Variants in MDGA2 observed in about 807,000 individuals in gnomAD.
The protein encoded by MDGA2 is MAM domain-containing glycosylphosphatidylinositol anchor protein 2.
MDGA2 carries 40 observed loss-of-function variants against 117.8 expected under a neutral mutation model. The ratio of observed to expected loss-of-function variants is 0.34; its 90% CI spans 0.26 to 0.44. The LOEUF (loss-of-function observed/expected upper bound fraction) is 0.44. Among genes scored for constraint, MDGA2 ranks in the 20% least tolerant of loss-of-function variants. MDGA2 has a pLI of 1.00. For synonymous variants in MDGA2, 452 were observed against 439.0 expected, an observed-to-expected ratio of 1.03 and a Z score of -0.37; for missense variants, 1,123 against 1,250.6, an observed-to-expected ratio of 0.90 and a Z score of 1.54.
At chr14:47,065,892 A>T in intron 6 of MDGA2, among the ~76,000 whole-genome samples, 1 of 152,192 alleles carries the variant, frequency 6.6e-6, no homozygotes, top group East Asian at 1.9e-4. Context: ...AGGTTGTAGG[A>T]TTCTGGACAA....
intron 1 of MDGA2, among the ~76,000 whole-genome samples, chr14:47,302,609 T>G (rs1043988665): frequency 6.6e-6 from 1 of 152,096 alleles, no homozygotes; most frequent in African/African-American, 2.4e-5. Flanking sequence ...ATTAGGAATG[T>G]TTTATCTAAC....
intron 1 of MDGA2, among the ~76,000 whole-genome samples, chr14:47,327,782 G>A (rs935509293): frequency 6.6e-6 from 1 of 152,032 alleles, no homozygotes; most frequent in Non-Finnish European, 1.5e-5. Context: ...TTCACATAAA[G>A]TTACTCATTT....
chr14:47,131,784 G>A lies in MDGA2; in HGVS notation c.855C>T (p.Cys285=), dbSNP rs140017446. The A allele has an allele frequency of 9.1e-4, 1,452 of 1,594,150 alleles. No individual in the cohort carries two copies. Among genetic ancestry groups the A allele is most frequent in the Non-Finnish European group, 1.1e-3 (1,328 of 1,165,430 alleles). ...TACATACATTCCTCACTGAAGCAAT[G>A]CAGCTATAATTAGCATAGTCCTGAG... ...LRPQDYANYS[C]IASVRNVCNI... The change falls in exon 5 of 17, where the codon TGC becomes TGT. Residue 285 remains cysteine, a synonymous_variant. Transcript: ENST00000399232.
chr14:46,951,914 C>T (rs888637935), intron 9 of MDGA2, among the ~76,000 whole-genome samples: 4 of 151,854 alleles, frequency 2.6e-5, no homozygotes, highest in Non-Finnish European at 5.9e-5. Flanking sequence ...CAACACAGCA[C>T]CATCAATTTT....
chr14:47,200,880 TA>T, intron 3 of MDGA2: 2 of 860,134 alleles, frequency 2.3e-6, no homozygotes, highest in Non-Finnish European at 4.0e-6. Flanking sequence ...TCAAACACCT[TA>T]AGGCAGTCCA....
intron 1 of MDGA2, among the ~76,000 whole-genome samples, chr14:47,494,876 T>TTATATA (rs10627834): frequency 0.16 from 22,853 of 140,886 alleles, 2,166 homozygotes; most frequent in East Asian, 0.36. Context: ...TAAAATGTGA[T>TTATATA]TATATATATA....
intron 1 of MDGA2, among the ~76,000 whole-genome samples, chr14:47,669,020 G>A (rs1898027524): frequency 6.6e-6 from 1 of 152,088 alleles, no homozygotes; most frequent in Non-Finnish European, 1.5e-5. Flanking sequence ...CCAAAACCAT[G>A]GTTCCTGACA....
intron 3 of MDGA2, among the ~76,000 whole-genome samples, chr14:47,200,315 AAAT>A (rs1885445735): frequency 6.6e-6 from 1 of 151,992 alleles, no homozygotes; most frequent in Non-Finnish European, 1.5e-5. Context: ...AATAGAGCTA[AAAT>A]AATTAGAAAT....
intron 8 of MDGA2, among the ~76,000 whole-genome samples, chr14:47,009,345 T>A (rs1407905755): frequency 6.6e-6 from 1 of 152,098 alleles, no homozygotes; most frequent in African/African-American, 2.4e-5. Context: ...AAGATAACTA[T>A]TATGAGAATA....
At chr14:47,534,693 A>T (rs1194567333) in intron 1 of MDGA2, among the ~76,000 whole-genome samples, 2 of 152,226 alleles carry the variant, frequency 1.3e-5, no homozygotes, top group Non-Finnish European at 2.9e-5. Context: ...GTGGGGACCC[A>T]GAGCCTAACC....
At chr14:47,031,229 TAC>T (rs35380035) in intron 8 of MDGA2, among the ~76,000 whole-genome samples, 45,312 of 148,222 alleles carry the variant, frequency 0.31, 6,948 homozygotes, top group African/African-American at 0.35. Context: ...TATATATATA[TAC>T]ACACACACAC....
At chr14:47,122,093 G>A (rs1343480176) in intron 5 of MDGA2, among the ~76,000 whole-genome samples, 1 of 151,720 alleles carries the variant, frequency 6.6e-6, no homozygotes, top group Non-Finnish European at 1.5e-5. Flanking sequence ...TATTATTGTT[G>A]TTATTGTCAT....
intron 1 of MDGA2, among the ~76,000 whole-genome samples, chr14:47,375,287 CTTTG>C (rs971292600): frequency 1.3e-5 from 2 of 151,794 alleles, no homozygotes; most frequent in African/African-American, 2.4e-5. Context: ...GCCCTTATCA[CTTTG>C]TTTGATCTCT....
intron 1 of MDGA2, among the ~76,000 whole-genome samples, chr14:47,340,353 C>G (rs1156388655): frequency 2.0e-5 from 3 of 152,070 alleles, no homozygotes; most frequent in Non-Finnish European, 4.4e-5. Context: ...AGCCAAACAT[C>G]CTTTATCACT....
chr14:47,398,095 C>T (rs1338661210), intron 1 of MDGA2, among the ~76,000 whole-genome samples: 1 of 152,114 alleles, frequency 6.6e-6, no homozygotes, highest in East Asian at 1.9e-4. Context: ...CTACTGAGGT[C>T]ACATGATTGG....
intron 2 of MDGA2, among the ~76,000 whole-genome samples, chr14:47,227,031 C>G (rs1479345964): frequency 6.6e-6 from 1 of 152,078 alleles, no homozygotes; most frequent in Non-Finnish European, 1.5e-5. Flanking sequence ...TGTCCTGCCC[C>G]CTTTGTTTCC....
At chr14:47,488,153 G>A (rs1894098246) in intron 1 of MDGA2, among the ~76,000 whole-genome samples, 1 of 152,062 alleles carries the variant, frequency 6.6e-6, no homozygotes, top group Non-Finnish European at 1.5e-5. Flanking sequence ...GAATCGAGTA[G>A]GTCACCCTAT....
At chr14:47,601,351 T>A (rs1362256765) in intron 1 of MDGA2, among the ~76,000 whole-genome samples, 1 of 152,188 alleles carries the variant, frequency 6.6e-6, no homozygotes, top group Non-Finnish European at 1.5e-5. Context: ...AATACTTTTG[T>A]GACTTTCTTC....
intron 1 of MDGA2, among the ~76,000 whole-genome samples, chr14:47,658,616 C>T (rs1897788190): frequency 6.6e-6 from 1 of 152,066 alleles, no homozygotes; most frequent in African/African-American, 2.4e-5. Context: ...ATATGAGCAA[C>T]AAAAGCTGTC....
Sources: gnomAD v4.1 joint callset for allele counts (sites outside exome capture counted in the v4.1 genomes callset) on GRCh38, gnomAD v4.1.1 for gene constraint, MANE v1.5 for transcripts, NCBI Gene and HGNC (gene_info 2026-07-23, HGNC 2026-07-21) for gene names.